The following ANKRD36C variants were observed in gnomAD, a reference collection of about 807,000 sequenced individuals.
ANKRD36C encodes ankyrin repeat domain-containing protein 36C.
A neutral mutation model predicts 276.4 loss-of-function variants in ANKRD36C; 61 were observed. The ratio of observed to expected loss-of-function variants is 0.22; its 90% CI spans 0.18 to 0.27. ANKRD36C has a LOEUF of 0.27. Ranked by LOEUF, ANKRD36C falls within the 10% of genes least tolerant of loss-of-function variation. The pLI is 1.00. For synonymous variants in ANKRD36C, 483 were observed against 680.1 expected (o/e 0.71, Z 4.51); for missense variants, 1,447 against 2,032.3 (o/e 0.71, Z 5.54).
chr2:95,850,569 A>G (rs1328347780), downstream of ANKRD36C, among the ~76,000 whole-genome samples: 1 of 152,250 alleles, frequency 6.6e-6, no homozygotes, highest in African/African-American at 2.4e-5. Context: ...GCTGGATGCT[A>G]GAACAAAGGT....
At chr2:95,854,191 C>T (rs1180567009) in intron 63 of ANKRD36C, among the ~76,000 whole-genome samples, 1 of 151,836 alleles carries the variant, frequency 6.6e-6, no homozygotes, top group Non-Finnish European at 1.5e-5. Flanking sequence ...GTAAATTATA[C>T]ATTGTGGAAT....
At chr2:95,976,373 C>T (rs913848001) in intron 6 of ANKRD36C, among the ~76,000 whole-genome samples, 6 of 152,108 alleles carry the variant, frequency 3.9e-5, no homozygotes, top group South Asian at 2.1e-4. Context: ...TCTCGAAATG[C>T]GGCTGTGTTA....
intron 36 of ANKRD36C, among the ~76,000 whole-genome samples, chr2:95,917,214 C>G (rs1479826762): frequency 6.6e-5 from 10 of 151,590 alleles, no homozygotes; most frequent in Non-Finnish European, 1.2e-4. Context: ...TGTGCTTTAT[C>G]CCAATTCTAG....
chr2:95,864,835 T>C (rs192182445), intron 60 of ANKRD36C, among the ~76,000 whole-genome samples: 9 of 152,054 alleles, frequency 5.9e-5, no homozygotes, highest in African/African-American at 1.9e-4. Flanking sequence ...ACAGGGTAGT[T>C]TGAGAAAGAA....
chr2:95,956,065 AG>A (rs1360262558), intron 13 of ANKRD36C, among the ~76,000 whole-genome samples: 1 of 152,210 alleles, frequency 6.6e-6, no homozygotes, highest in Non-Finnish European at 1.5e-5. Context: ...CAAACTAGGC[AG>A]GGTACTCACT....
Position 95,910,967 on chromosome 2 carries a change from C to T in ANKRD36C, c.2653+1277G>A, listed in dbSNP as rs533087454. Reference sequence around the variant, plus strand: ...TCGTGCAACAAATCAAAAGGATTTACACCATTATACTACAAACATTCATCA... The same window carrying T: ...TCGTGCAACAAATCAAAAGGATTTATACCATTATACTACAAACATTCATCA... On this transcript the variant is annotated intron_variant, in intron 42 of 66. Coordinates refer to ENST00000456556, the Ensembl canonical transcript of ANKRD36C. Among the ~76,000 whole-genome samples the T allele has an allele frequency of 4.6e-5, 7 of 151,564 alleles. No individual in the cohort carries two copies. The South Asian group carries it at 1.4e-3, about 31-fold the overall frequency.
intron 34 of ANKRD36C, among the ~76,000 whole-genome samples, chr2:95,918,386 A>T (rs1366391272): frequency 2.6e-5 from 4 of 151,702 alleles, no homozygotes; most frequent in Non-Finnish European, 5.9e-5. Flanking sequence ...TCAATGTCAA[A>T]GCAGGTGCTA....
At chr2:95,902,852 C>A in intron 42 of ANKRD36C, 34 bp downstream of exon 54, 1 of 1,537,432 alleles carries the variant, frequency 6.5e-7, no homozygotes. Context: ...TCTATCTGGA[C>A]TGAACATGAC....
chr2:95,881,214 T>G (rs1331685151), intron 56 of ANKRD36C, among the ~76,000 whole-genome samples: 4 of 152,056 alleles, frequency 2.6e-5, no homozygotes, highest in Non-Finnish European at 5.9e-5. Context: ...CCATGTGGTG[T>G]AATAATCTGC....
In ANKRD36C at chr2:95,918,012, A is replaced by G; in HGVS notation, c.2274+2T>C. 6.2e-7 allele frequency: 1 copy of G among 1,600,546 alleles called. No individual in the cohort carries two copies. Among genetic ancestry groups the G allele is most frequent in the Non-Finnish European group, 8.5e-7 (1 of 1,174,852 alleles). On this transcript the variant is annotated splice_donor_variant, in intron 35 of 66. Transcript: ENST00000456556. LOFTEE classifies it high-confidence loss of function. ...ATACAATGTAAATGAGAGTTTAATT[A>G]CCTTCAAGGCTGGTTGTTTCTGAGA...
At position 95,919,528 on chromosome 2, in the gene ANKRD36C, T is replaced by C. The variant is rs1483045463; in HGVS notation, c.2246-1486A>G. ...CCCAATTTCAATGTGGGAAAGTGTA[T>C]AATCTTACTGCAAAGATCATGTTCC... On this transcript the variant is annotated intron_variant, in intron 34 of 66. Coordinates refer to ENST00000456556, the Ensembl canonical transcript of ANKRD36C. Among the ~76,000 whole-genome samples the C allele has an allele frequency of 2.3e-5, 3 of 132,284 alleles. 1 individual carries two copies. Among genetic ancestry groups the C allele is most frequent in the Admixed American group, 1.6e-4 (2 of 12,486 alleles). The allele number at this position is 132,284 out of a possible 152,430, so 86.8% of individuals were successfully genotyped here.
At chr2:95,991,074 G>A (rs552686412) in intron 1 of ANKRD36C, among the ~76,000 whole-genome samples, 3 of 151,208 alleles carry the variant, frequency 2.0e-5, no homozygotes, top group Non-Finnish European at 4.4e-5. Flanking sequence ...GGCTGAGCCT[G>A]CCAGGAAAGA....
intron 54 of ANKRD36C, among the ~76,000 whole-genome samples, chr2:95,882,846 A>G (rs1457066449): frequency 6.6e-6 from 1 of 152,172 alleles, no homozygotes; most frequent in Admixed American, 6.6e-5. Context: ...AATGTCAAAG[A>G]AGGTACTAAA....
At chr2:95,910,331 T>C (rs1676875702) in intron 42 of ANKRD36C, 42 bp downstream of exon 46, 1 of 1,511,718 alleles carries the variant, frequency 6.6e-7, no homozygotes, top group Non-Finnish European at 8.9e-7. Context: ...ACTTCTTATC[T>C]ATCTGGACAG....
intron 60 of ANKRD36C, among the ~76,000 whole-genome samples, chr2:95,867,022 C>T (rs1242510855): frequency 1.3e-5 from 2 of 152,080 alleles, no homozygotes; most frequent in African/African-American, 4.8e-5. Flanking sequence ...GGGTTTTCAG[C>T]AAGCAGGTAA....
intron 64 of ANKRD36C, 180 bp downstream of exon 84, chr2:95,853,529 T>C: frequency 2.0e-6 from 1 of 497,658 alleles, no homozygotes; most frequent in East Asian, 3.7e-5. Flanking sequence ...AATAAAATCT[T>C]AATAAAATTA....
At chr2:95,968,536 A>G (rs1171530244) in intron 6 of ANKRD36C, among the ~76,000 whole-genome samples, 1 of 152,202 alleles carries the variant, frequency 6.6e-6, no homozygotes, top group Non-Finnish European at 1.5e-5. Context: ...TGTGTAGAAA[A>G]CACATATTCA....
At chr2:95,950,212 G>A in intron 16 of ANKRD36C, among the ~76,000 whole-genome samples, 1 of 152,308 alleles carries the variant, frequency 6.6e-6, no homozygotes, top group Non-Finnish European at 1.5e-5. Context: ...GAAAAACTTA[G>A]GGTCCTGTGG....
intron 30 of ANKRD36C, 111 bp from the exon 31 acceptor site, chr2:95,923,800 G>C: frequency 6.8e-7 from 1 of 1,473,086 alleles, no homozygotes; most frequent in South Asian, 1.3e-5. Context: ...ATTAGTATAG[G>C]CTTTGATTTT....
Sources: gnomAD v4.1 joint callset for allele counts (sites outside exome capture counted in the v4.1 genomes callset) on GRCh38, gnomAD v4.1.1 for gene constraint, MANE v1.5 for transcripts, NCBI Gene and HGNC (gene_info 2026-07-23, HGNC 2026-07-21) for gene names.